CLINT1: variants seen among roughly 807,000 people sequenced by gnomAD.
CLINT1 encodes clathrin interactor 1.
CLINT1 carries 15 observed loss-of-function variants against 70.4 expected under a neutral mutation model. The observed-to-expected ratio is 0.21, with a 90% CI of 0.14 to 0.33. The LOEUF is 0.33. Ranked by LOEUF, CLINT1 falls within the 10% of genes least tolerant of loss-of-function variation. CLINT1 has a pLI of 1.00. For synonymous variants in CLINT1, 227 were observed against 254.7 expected (o/e 0.89, Z 1.04); for missense variants, 615 against 778.1 (o/e 0.79, Z 2.49).
intron 1 of CLINT1, among the ~76,000 whole-genome samples, chr5:157,824,724 C>T (rs930036173): frequency 6.6e-6 from 1 of 152,152 alleles, no homozygotes; most frequent in Non-Finnish European, 1.5e-5. Context: ...ATATCACAAT[C>T]CTGGACACTT....
chr5:157,858,920 C>G lies in CLINT1; in HGVS notation c.41+10G>C, dbSNP rs752140746. 6.2e-7 allele frequency: 1 copy of G among 1,608,244 alleles called. No individual in the cohort carries two copies. Among genetic ancestry groups the G allele is most frequent in the Non-Finnish European group, 8.5e-7 (1 of 1,177,570 alleles). On this transcript the variant is annotated intron_variant, in intron 1 of 11. Transcript: ENST00000411809. ...GTGGGCCTCGGCCACAACTGCCCCC[C>G]GATACTCACGCTTTGTCCACCAGCT...
intron 7 of CLINT1, among the ~76,000 whole-genome samples, chr5:157,804,283 T>C (rs1259062443): frequency 1.3e-5 from 2 of 150,112 alleles, no homozygotes; most frequent in African/African-American, 4.8e-5. Flanking sequence ...TATAATTCTA[T>C]GTTATTTGAT....
chr5:157,831,757 A>T (rs1763252171), intron 1 of CLINT1, among the ~76,000 whole-genome samples: 1 of 147,088 alleles, frequency 6.8e-6, no homozygotes, highest in Non-Finnish European at 1.5e-5. Flanking sequence ...GCAGTGGCAC[A>T]ATCTTGGCTC....
chr5:157,812,863 C>T (rs191480858), intron 5 of CLINT1, among the ~76,000 whole-genome samples, 200 bp downstream of exon 5: 1 of 152,260 alleles, frequency 6.6e-6, no homozygotes, highest in African/African-American at 2.4e-5. Context: ...TGGTTAAAAT[C>T]CTATTGCCGA....
chr5:157,804,431 AT>A lies in CLINT1; in HGVS notation c.943-713del, dbSNP rs1479523738. Among the ~76,000 whole-genome samples, 15 of 152,314 alleles carry A rather than the reference AT, an allele frequency of 9.8e-5. No homozygotes were observed. The East Asian group carries it at 2.1e-3, about 22-fold the overall frequency. On this transcript the variant is annotated intron_variant, in intron 7 of 11. Coordinates refer to ENST00000411809, the MANE Select transcript of CLINT1 (RefSeq NM_014666.4). Reference sequence around the variant, plus strand: ...TATATGTTAGATATATACATGCTAAATTAGAACTCAATTATTAGGCAATGGG... The same window carrying A: ...TATATGTTAGATATATACATGCTAAATAGAACTCAATTATTAGGCAATGGG...
intron 7 of CLINT1, among the ~76,000 whole-genome samples, chr5:157,804,037 T>TAAAAAAAAAAAAAAAAAAAA (rs3836883): frequency 7.6e-6 from 1 of 131,348 alleles, no homozygotes; most frequent in Non-Finnish European, 1.6e-5. Context: ...ATCAGTTCAT[T>TAAAAAAAAAAAAAAAAAAAA]AAAAAAAAAA....
chr5:157,814,379 T>G (rs1762649133), intron 3 of CLINT1, 86 bp from the exon 4 acceptor site: 2 of 914,760 alleles, frequency 2.2e-6, no homozygotes, highest in Admixed American at 2.4e-5. Flanking sequence ...AATTCTAACA[T>G]TAGCAAATAA....
At chr5:157,846,693 TAG>T (rs1180667969) in intron 1 of CLINT1, among the ~76,000 whole-genome samples, 1 of 152,228 alleles carries the variant, frequency 6.6e-6, no homozygotes, top group African/African-American at 2.4e-5. Flanking sequence ...CTTTCATAGC[TAG>T]AGAGGTCAGT....
chr5:157,814,133 G>A lies in CLINT1; in HGVS notation c.352+52C>T, dbSNP rs531634713. ...AGCTTCTAAGCTGGTTCAGGTGACT[G>A]ACAACTCCAACTACTGTTTTAATTT... is the stretch of plus-strand genomic sequence containing the variant. On this transcript the variant is annotated intron_variant, in intron 4 of 11. Transcript: ENST00000411809. 7 of 1,196,256 alleles carry A rather than the reference G, an allele frequency of 5.9e-6. No homozygotes were observed. The African/African-American group carries it at 1.1e-4, about 18-fold the overall frequency. 74.1% of individuals were successfully genotyped at this position (1,196,256 alleles called of 1,614,324 possible).
intron 1 of CLINT1, chr5:157,823,805 A>G (rs1762948454): frequency 2.1e-6 from 1 of 483,794 alleles, no homozygotes; most frequent in Non-Finnish European, 2.7e-6. Flanking sequence ...GCCTGTTGGG[A>G]ATGGGGCTGC....
intron 1 of CLINT1, among the ~76,000 whole-genome samples, chr5:157,842,169 G>A (rs748650200): frequency 2.0e-5 from 3 of 152,138 alleles, no homozygotes; most frequent in Non-Finnish European, 4.4e-5. Flanking sequence ...TTATAGTTAA[G>A]TTACAGTAAA....
At chr5:157,837,649 C>CTTTTTTTTTTTTT (rs202044066) in intron 1 of CLINT1, among the ~76,000 whole-genome samples, 3 of 138,540 alleles carry the variant, frequency 2.2e-5, no homozygotes, top group African/African-American at 5.5e-5. Flanking sequence ...AGCTCTTTTA[C>CTTTTTTTTTTTTT]TTTTTTTTTT....
chr5:157,787,818 G>GT lies in CLINT1; in HGVS notation c.1705dup (p.Thr569AsnfsTer56). On this transcript the variant is annotated frameshift_variant, in exon 12 of 12. Coordinates refer to ENST00000411809, the MANE Select transcript of CLINT1 (RefSeq NM_014666.4). LOFTEE classifies it high-confidence loss of function. ...CATCATGCTCTGGTTCATCATCGGA[G>GT]TATTTCCAAGAGGGGCCATTCCCAT... 2 of 1,613,988 alleles carry GT rather than the reference G, an allele frequency of 1.2e-6. No individual in the cohort carries two copies. The highest frequency in any genetic ancestry group is 1.7e-6 in the Non-Finnish European group (2 of 1,179,884).
chr5:157,825,482 T>C (rs1024484101), intron 1 of CLINT1, among the ~76,000 whole-genome samples: 6 of 152,132 alleles, frequency 3.9e-5, no homozygotes, highest in African/African-American at 1.2e-4. Flanking sequence ...GGGAGCCCCA[T>C]AATACTTTTT....
intron 1 of CLINT1, among the ~76,000 whole-genome samples, chr5:157,840,042 C>CA (rs561258931): frequency 2.7e-4 from 41 of 151,000 alleles, no homozygotes; most frequent in South Asian, 8.4e-4. Context: ...ACTAAAAATA[C>CA]AAAAAAAATT....
At chr5:157,817,358 A>T in intron 2 of CLINT1, 85 bp downstream of exon 2, 1 of 824,974 alleles carries the variant, frequency 1.2e-6, no homozygotes, top group Non-Finnish European at 2.0e-6. Flanking sequence ...GCAGCCAAAT[A>T]GTTTAAATCT....
intron 1 of CLINT1, among the ~76,000 whole-genome samples, chr5:157,849,034 G>A (rs1753482720): frequency 6.6e-6 from 1 of 152,166 alleles, no homozygotes; most frequent in Admixed American, 6.5e-5. Flanking sequence ...CTGACCTCAA[G>A]TGATTTGCCC....
chr5:157,830,743 C>CCTCCCTCT (rs1763196270), intron 1 of CLINT1, among the ~76,000 whole-genome samples: 1 of 122,628 alleles, frequency 8.2e-6, no homozygotes, highest in Non-Finnish European at 1.7e-5. Flanking sequence ...TCTCCCTGCC[C>CCTCCCTCT]CTCCCTCTCT....
chr5:157,790,590 G>C (rs1280811399), intron 10 of CLINT1: 3 of 453,602 alleles, frequency 6.6e-6, no homozygotes, highest in Non-Finnish European at 1.3e-5. Flanking sequence ...CTGTTACATA[G>C]AGCAGTCACC....
Sources: allele counts gnomAD v4.1 joint callset (sites outside exome capture counted in the v4.1 genomes callset), GRCh38; gene constraint gnomAD v4.1.1; transcripts MANE v1.5; gene names NCBI Gene and HGNC (gene_info 2026-07-23, HGNC 2026-07-21).